The following MORC2 variants were observed in gnomAD, a reference collection of about 807,000 sequenced individuals.
MORC2 encodes MORC family CW-type zinc finger 2, also known as ATPase MORC2.
A neutral mutation model predicts 136.0 loss-of-function variants in MORC2; 30 were observed. The ratio of observed to expected loss-of-function variants is 0.22; its 90% confidence interval spans 0.17 to 0.30. The LOEUF (loss-of-function observed/expected upper bound fraction) is 0.30, where lower values mean the gene tolerates loss of function less well. Among genes scored for constraint, MORC2 ranks in the 10% least tolerant of loss-of-function variants. The probability of loss-of-function intolerance (pLI) is 1.00; values close to 1 mark genes in which losing one functional copy is unlikely to be tolerated. For synonymous variants in MORC2, 439 were observed against 487.0 expected (o/e 0.90, Z 1.30); for missense variants, 922 against 1,333.1 (o/e 0.69, Z 4.80).
In MORC2 at chr22:30,941,410, G is replaced by A. The variant is rs2040739709; in HGVS notation, c.824+23C>T. ...CATCCTCGACCCATGGGAGACAGCA[G>A]GCCAAGGGGCACTGGCCCCTACCTG... On this transcript the variant is annotated intron_variant, in intron 9 of 25. Coordinates refer to ENST00000397641, the MANE Select transcript of MORC2 (RefSeq NM_001303256.3). This position sits in a 1 kb window ranked among gnomAD's most constrained non-coding sequence, Gnocchi z 4.6. 1 of 1,612,356 alleles carries A rather than the reference G, an allele frequency of 6.2e-7. No individual in the cohort carries two copies. The highest frequency in any genetic ancestry group is 8.5e-7 in the Non-Finnish European group (1 of 1,179,074).
At chr22:30,940,958 G>A in intron 9 of MORC2, 121 bp from the exon 10 acceptor site, 1 of 838,312 alleles carries the variant, frequency 1.2e-6, no homozygotes. Flanking sequence ...GGCCCCTCAT[G>A]ATGAGACAAA....
intron 5 of MORC2, among the ~76,000 whole-genome samples, chr22:30,947,430 T>C (rs979239146): frequency 5.9e-5 from 9 of 152,246 alleles, no homozygotes; most frequent in Non-Finnish European, 1.3e-4. Context: ...CAGCAGCTTC[T>C]GGAGCTTTAT....
In MORC2 at chr22:30,967,909, G is replaced by GC; in HGVS notation, c.-21dup. On this transcript the variant is annotated 5_prime_UTR_variant, in exon 1 of 26. Transcript: ENST00000397641. ...AGCCATGACTGCAATAAGGTCTCCA[G>GC]CCCTTCACCCGCTAACTGGGAAATA... 6.6e-7 allele frequency: 1 copy of GC among 1,510,444 alleles called. No homozygotes were observed. The highest frequency in any genetic ancestry group is 9.0e-7 in the Non-Finnish European group (1 of 1,110,248). 93.6% of individuals were successfully genotyped at this position (1,510,444 alleles called of 1,614,324 possible). A position where few individuals can be genotyped will look rare whatever the true frequency, so the allele number is the denominator to read the frequency against.
intron 3 of MORC2, among the ~76,000 whole-genome samples, chr22:30,950,946 T>G (rs1037936188): frequency 2.6e-5 from 4 of 152,154 alleles, no homozygotes. Flanking sequence ...GGCACAGCAG[T>G]GGAAGCTGCT....
chr22:30,966,101 T>G (rs1226142977), intron 1 of MORC2, among the ~76,000 whole-genome samples: 1 of 152,226 alleles, frequency 6.6e-6, no homozygotes, highest in East Asian at 1.9e-4. Context: ...CTTTGGACAA[T>G]GTTTAAAATA....
At chr22:30,947,356 G>A (rs2040832276) in intron 5 of MORC2, among the ~76,000 whole-genome samples, 1 of 152,256 alleles carries the variant, frequency 6.6e-6, no homozygotes, top group African/African-American at 2.4e-5. Flanking sequence ...GGGCAGGGCA[G>A]AAGTGTGAAG....
Position 30,926,613 on chromosome 22 carries a change from C to T in MORC2, c.*190G>A, listed in dbSNP as rs530281299. On this transcript the variant is annotated 3_prime_UTR_variant, in exon 26 of 26. Transcript: ENST00000397641. ...TATGGTCTCACAGGCACAGCATCTTCTTTTAAAAAATAAATATTTATAAAC... is the reference window on the plus strand; with the variant it reads ...TATGGTCTCACAGGCACAGCATCTTTTTTTAAAAAATAAATATTTATAAAC... 2 of 127,302 alleles carry T rather than the reference C, an allele frequency of 1.6e-5. No individual in the cohort carries two copies. The highest frequency in any genetic ancestry group is 3.3e-5 in the African/African-American group (1 of 30,066). 7.9% of individuals were successfully genotyped at this position (127,302 alleles called of 1,614,324 possible).
intron 1 of MORC2, among the ~76,000 whole-genome samples, chr22:30,965,693 A>C (rs900915071): frequency 1.3e-5 from 2 of 152,256 alleles, no homozygotes; most frequent in Admixed American, 1.3e-4. Context: ...AAATGACTTA[A>C]CTGGTTTCTT....
chr22:30,933,637 T>TAA, intron 20 of MORC2, 117 bp from the exon 21 acceptor site: 1 of 1,027,784 alleles, frequency 9.7e-7, no homozygotes, highest in Non-Finnish European at 1.5e-6. Flanking sequence ...TGCTACAGTT[T>TAA]AAATCACCAA....
chr22:30,950,358 C>CA lies in MORC2; in HGVS notation c.226+18dup. The CA allele has an allele frequency of 1.8e-6, 2 of 1,111,992 alleles. No homozygotes were observed. Among genetic ancestry groups the CA allele is most frequent in the South Asian group, 1.4e-5 (1 of 69,456 alleles). The allele number at this position is 1,111,992 out of a possible 1,614,324, so 68.9% of individuals were successfully genotyped here. ...CATCGCACCCCCCCACCCCCCAAAA[C>CA]AATAATCTCATCACTTACTTGGATC... On this transcript the variant is annotated intron_variant, in intron 4 of 25. Coordinates refer to ENST00000397641, the MANE Select transcript of MORC2 (RefSeq NM_001303256.3).
intron 11 of MORC2, 67 bp from the exon 12 acceptor site, chr22:30,939,773 T>C: frequency 6.7e-7 from 1 of 1,491,708 alleles, no homozygotes. Flanking sequence ...ATTGAAACAT[T>C]ACATCTAAGA....
At chr22:30,928,238 G>A in intron 24 of MORC2, 31 bp from the exon 25 acceptor site, 1 of 1,612,938 alleles carries the variant, frequency 6.2e-7, no homozygotes, top group Non-Finnish European at 8.5e-7. Context: ...GGGAGAGTGT[G>A]TAAGTTCACA....
chr22:30,940,093 G>A, intron 10 of MORC2, 52 bp from the exon 11 acceptor site: 1 of 1,569,532 alleles, frequency 6.4e-7, no homozygotes, highest in Non-Finnish European at 8.7e-7. Flanking sequence ...AAAACTCTTG[G>A]TCATCCCTCC....
At chr22:30,927,066 G>A (rs964287295) in intron 25 of MORC2, among the ~76,000 whole-genome samples, 195 bp from the exon 26 acceptor site, 1 of 152,020 alleles carries the variant, frequency 6.6e-6, no homozygotes, top group East Asian at 1.9e-4. Context: ...ATGATGCCCA[G>A]ATTTCCTACG....
intron 1 of MORC2, among the ~76,000 whole-genome samples, chr22:30,960,264 G>A (rs2041024182): frequency 6.6e-6 from 1 of 152,122 alleles, no homozygotes; most frequent in South Asian, 2.1e-4. Flanking sequence ...ACCACACACG[G>A]CCTACAAATG....
intron 16 of MORC2, 92 bp downstream of exon 16, chr22:30,936,840 G>T: frequency 1.5e-6 from 2 of 1,343,768 alleles, no homozygotes; most frequent in Non-Finnish European, 2.1e-6. Flanking sequence ...TGGCAAGACA[G>T]AGATGTAAGG....
intron 1 of MORC2, among the ~76,000 whole-genome samples, chr22:30,959,300 C>T (rs1479997830): frequency 6.6e-6 from 1 of 152,120 alleles, no homozygotes. Flanking sequence ...GGCAACCACA[C>T]CAAGCAAGCT....
In MORC2 at chr22:30,938,521, C is replaced by G. The variant is rs1470761403; in HGVS notation, c.1074-316G>C. On this transcript the variant is annotated intron_variant, in intron 12 of 25. Transcript: ENST00000397641. ...AGACAATTATATGTTGGAATAAACA[C>G]CAGGTTATCGTCATACCTTCCCCAA... Among the ~76,000 whole-genome samples, 2 of 152,114 alleles carry G rather than the reference C, an allele frequency of 1.3e-5. 1 individual carries two copies. The highest frequency in any genetic ancestry group is 2.9e-5 in the Non-Finnish European group (2 of 68,028).
At chr22:30,949,646 TATAGTC>T in intron 5 of MORC2, 100 bp downstream of exon 5, 1 of 945,330 alleles carries the variant, frequency 1.1e-6, no homozygotes, top group East Asian at 2.4e-5. Flanking sequence ...GTTCCAGAAT[TATAGTC>T]AATAGAGGGA....
Sources: gnomAD v4.1 joint callset for allele counts (sites outside exome capture counted in the v4.1 genomes callset) on GRCh38, gnomAD v4.1.1 for gene constraint, Gnocchi (gnomAD v3.1) non-coding constraint, MANE v1.5 for transcripts, NCBI Gene and HGNC (gene_info 2026-07-23, HGNC 2026-07-21) for gene names.